Variants in INPP4B observed in about 807,000 individuals in gnomAD.
INPP4B encodes the protein inositol polyphosphate-4-phosphatase type II B, also known as inositol polyphosphate 4-phosphatase type II.
Under a neutral mutation model 122.5 loss-of-function variants are expected in INPP4B, and 55 were observed. The observed-to-expected ratio is 0.45, with a 90% CI of 0.36 to 0.56. The LOEUF (loss-of-function observed/expected upper bound fraction) is 0.56. INPP4B is among the 20% of genes least tolerant of loss of function. The pLI, the probability that INPP4B is intolerant of heterozygous loss-of-function variation, is 0.00. For missense variants in INPP4B, 1,000 were observed against 1,097.7 expected (o/e 0.91, Z 1.26); for synonymous variants, 403 against 388.7 (o/e 1.04, Z -0.43).
intron 25 of INPP4B, among the ~76,000 whole-genome samples, chr4:142,059,929 A>G (rs1481632782): frequency 5.9e-5 from 9 of 152,300 alleles, no homozygotes; most frequent in Admixed American, 3.9e-4. Context: ...GCATCGTGCT[A>G]CTTAGTAGGA....
chr4:142,798,366 A>G (rs989426458), intron 1 of INPP4B, among the ~76,000 whole-genome samples: 1 of 151,886 alleles, frequency 6.6e-6, no homozygotes, highest in Non-Finnish European at 1.5e-5. Flanking sequence ...ATCTTAGCTC[A>G]TCATCTTTAG....
chr4:142,688,267 G>A (rs1417974138), intron 2 of INPP4B, among the ~76,000 whole-genome samples: 1 of 152,066 alleles, frequency 6.6e-6, no homozygotes, highest in Non-Finnish European at 1.5e-5. Context: ...CACACAAAGA[G>A]AATTTGTTTT....
At position 142,779,132 on chromosome 4, in the gene INPP4B, G is replaced by A. The variant is rs548868527; in HGVS notation, c.-253-53231C>T. On this transcript the variant is annotated intron_variant, in intron 1 of 25. Transcript: ENST00000262992. ...CACTCCTACAACCCCGTCCAACTCA[G>A]TCCCTAACAGAATCACAGCCAAATC... Among the ~76,000 whole-genome samples the A allele has an allele frequency of 2.7e-3, 408 of 151,988 alleles. 2 individuals are homozygous for A. Among genetic ancestry groups the A allele is most frequent in the Non-Finnish European group, 4.4e-3 (302 of 67,970 alleles).
chr4:142,144,448 G>C (rs908881688), intron 18 of INPP4B, among the ~76,000 whole-genome samples: 2 of 151,886 alleles, frequency 1.3e-5, no homozygotes, highest in African/African-American at 4.8e-5. Flanking sequence ...TCATTTTCTA[G>C]AGGACAGCAG....
At position 142,127,924 on chromosome 4, in the gene INPP4B, C is replaced by T. The variant is rs1046392046; in HGVS notation, c.1721-3164G>A. ...GGTTCTGAAATAAACACAGTGGCTA[C>T]GACAGGCCAAAGCAAAGCCAAAGTC... is the stretch of plus-strand genomic sequence containing the variant. On this transcript the variant is annotated intron_variant, in intron 18 of 25. Transcript: ENST00000262992. 3.3e-4 allele frequency among the ~76,000 whole-genome samples: 50 copies of T among 152,014 alleles called. 1 individual carries two copies. Among genetic ancestry groups the T allele is most frequent in the African/African-American group, 1.0e-3 (43 of 41,416 alleles).
chr4:142,578,751 T>A (rs950558937), intron 2 of INPP4B, among the ~76,000 whole-genome samples: 1 of 151,998 alleles, frequency 6.6e-6, no homozygotes, highest in Admixed American at 6.6e-5. Context: ...GGGGACATAT[T>A]TCAGCCCTTA....
chr4:142,627,237 C>G (rs928240427), intron 2 of INPP4B, among the ~76,000 whole-genome samples: 1 of 150,824 alleles, frequency 6.6e-6, no homozygotes, highest in South Asian at 2.1e-4. Flanking sequence ...AATTGAATAC[C>G]CTTTATTTCC....
intron 3 of INPP4B, among the ~76,000 whole-genome samples, chr4:142,437,623 G>T (rs1261328982): frequency 6.6e-6 from 1 of 152,084 alleles, no homozygotes; most frequent in Non-Finnish European, 1.5e-5. Context: ...TTAAAGAAAA[G>T]AATTTTCAAC....
intron 1 of INPP4B, among the ~76,000 whole-genome samples, chr4:142,815,322 T>G (rs1561101228): frequency 6.6e-6 from 1 of 152,158 alleles, no homozygotes; most frequent in African/African-American, 2.4e-5. Flanking sequence ...GGATAAGCTG[T>G]AGTTAATAAT....
chr4:142,376,308 G>A (rs1453706556), intron 7 of INPP4B, among the ~76,000 whole-genome samples: 1 of 151,906 alleles, frequency 6.6e-6, no homozygotes, highest in Non-Finnish European at 1.5e-5. Flanking sequence ...ATCTCATGAT[G>A]ACCTGAAAAC....
intron 2 of INPP4B, among the ~76,000 whole-genome samples, chr4:142,631,534 G>A (rs1195092669): frequency 1.3e-5 from 2 of 151,900 alleles, no homozygotes; most frequent in East Asian, 3.9e-4. Flanking sequence ...GAAACAATAC[G>A]GACTAAAAAC....
chr4:142,466,072 G>T (rs917358848), intron 2 of INPP4B, among the ~76,000 whole-genome samples: 1 of 152,168 alleles, frequency 6.6e-6, no homozygotes, highest in Non-Finnish European at 1.5e-5. Context: ...TGGTACCAAG[G>T]AATGGGGTGT....
chr4:142,385,898 AC>A (rs1795812104), intron 7 of INPP4B, among the ~76,000 whole-genome samples: 1 of 152,118 alleles, frequency 6.6e-6, no homozygotes, highest in South Asian at 2.1e-4. Flanking sequence ...CATAGTTGTT[AC>A]TTTTTTGTGG....
chr4:142,102,624 C>T (rs1297008451), intron 23 of INPP4B, among the ~76,000 whole-genome samples: 1 of 151,924 alleles, frequency 6.6e-6, no homozygotes, highest in Non-Finnish European at 1.5e-5. Context: ...TTTTCTGTGA[C>T]CTTTTGCTGG....
intron 3 of INPP4B, among the ~76,000 whole-genome samples, chr4:142,447,754 T>C (rs1813222352): frequency 6.6e-6 from 1 of 152,114 alleles, no homozygotes; most frequent in Admixed American, 6.5e-5. Flanking sequence ...TTTGTAATCG[T>C]AAATGAGATT....
chr4:142,258,146 C>A (rs1042236467), intron 11 of INPP4B, among the ~76,000 whole-genome samples: 47 of 152,042 alleles, frequency 3.1e-4, no homozygotes, highest in African/African-American at 1.1e-3. Context: ...AACTGGCTAG[C>A]CATATGTAGA....
chr4:142,344,610 A>G (rs1779731072), intron 7 of INPP4B, among the ~76,000 whole-genome samples: 1 of 152,038 alleles, frequency 6.6e-6, no homozygotes, highest in African/African-American at 2.4e-5. Flanking sequence ...TGACAATATG[A>G]TAAGGGCCCA....
intron 2 of INPP4B, among the ~76,000 whole-genome samples, chr4:142,691,737 C>T (rs1760214778): frequency 1.3e-5 from 2 of 152,102 alleles, no homozygotes; most frequent in South Asian, 4.1e-4. Context: ...TTCTAAACCA[C>T]TGACCTTGGA....
intron 2 of INPP4B, among the ~76,000 whole-genome samples, chr4:142,648,072 C>T (rs1398934657): frequency 6.6e-6 from 1 of 152,238 alleles, no homozygotes; most frequent in Non-Finnish European, 1.5e-5. Context: ...AAGGAACTCA[C>T]TGCTTCTCTT....
Sources: allele counts gnomAD v4.1 joint callset (sites outside exome capture counted in the v4.1 genomes callset), GRCh38; gene constraint gnomAD v4.1.1; transcripts MANE v1.5; gene names NCBI Gene and HGNC (gene_info 2026-07-23, HGNC 2026-07-21).